The following MOK variants were observed in gnomAD, a reference collection of about 807,000 sequenced individuals.
MOK encodes the protein MAPK/MAK/MRK overlapping kinase.
In MOK, 59 loss-of-function variants were observed where a neutral mutation model predicts 54.2. That is an observed-to-expected ratio of 1.09 (90% CI 0.88 to 1.35). The LOEUF (loss-of-function observed/expected upper bound fraction) is 1.35, where lower values mean the gene tolerates loss of function less well. Ranked by LOEUF, MOK falls within the 40% of genes most tolerant of loss-of-function variation. The pLI, the probability that MOK is intolerant of heterozygous loss-of-function variation, is 0.00. For missense variants in MOK, 517 were observed against 526.2 expected (o/e 0.98, Z 0.17); for synonymous variants, 210 against 202.7 (o/e 1.04, Z -0.31).
chr14:102,237,718 G>A (rs1160996583), intron 7 of MOK, among the ~76,000 whole-genome samples: 1 of 152,142 alleles, frequency 6.6e-6, no homozygotes, highest in Non-Finnish European at 1.5e-5. Context: ...CGGTGTCTTA[G>A]GGCAACAGAA....
intron 1 of MOK, among the ~76,000 whole-genome samples, chr14:102,291,970 A>C (rs2070804836): frequency 1.3e-5 from 2 of 151,398 alleles, no homozygotes; most frequent in Admixed American, 6.6e-5. Context: ...AAAAAAAAAA[A>C]CTAACAATAA....
At chr14:102,261,827 A>C (rs1349468816) in intron 4 of MOK, among the ~76,000 whole-genome samples, 1 of 148,214 alleles carries the variant, frequency 6.7e-6, no homozygotes, top group Non-Finnish European at 1.5e-5. Flanking sequence ...ATAAGCCACC[A>C]CGCCCGGCCT....
In MOK at chr14:102,283,261, T is replaced by C; in HGVS notation, c.122+217A>G. The C allele has an allele frequency of 7.4e-6, 3 of 404,462 alleles. No homozygotes were observed. In the South Asian group the frequency reaches 2.4e-4, roughly 33 times the overall value. The allele number at this position is 404,462 out of a possible 1,614,324, so 25.1% of individuals were successfully genotyped here. On this transcript the variant is annotated intron_variant, in intron 2 of 11. Coordinates refer to ENST00000361847, the MANE Select transcript of MOK (RefSeq NM_014226.3). Reference sequence around the variant, plus strand: ...AGACACACTTTTGAAACTTAAACTTTTTTGTGGTCATTCATCACTGATATT... The same window carrying C: ...AGACACACTTTTGAAACTTAAACTTCTTTGTGGTCATTCATCACTGATATT...
At chr14:102,303,191 G>T (rs893465367) in intron 1 of MOK, among the ~76,000 whole-genome samples, 1 of 151,874 alleles carries the variant, frequency 6.6e-6, no homozygotes, top group Non-Finnish European at 1.5e-5. Flanking sequence ...GAAAAAGAAG[G>T]TAGATAAATA....
chr14:102,261,254 C>CACAAAA (rs1406320890), intron 4 of MOK, among the ~76,000 whole-genome samples: 6 of 86,854 alleles, frequency 6.9e-5, no homozygotes, highest in African/African-American at 1.0e-4. Flanking sequence ...ACTCTGCCTA[C>CACAAAA]AAAAAAAAAA....
chr14:102,233,850 T>C, intron 7 of MOK, 61 bp from the exon 8 acceptor site: 1 of 1,270,692 alleles, frequency 7.9e-7, no homozygotes, highest in African/African-American at 1.5e-5. Context: ...ACCTCACCAA[T>C]TACAAACCAT....
At chr14:102,264,462 C>T (rs1271568424) in intron 3 of MOK, 1 of 152,274 alleles carries the variant, frequency 6.6e-6, no homozygotes, top group Admixed American at 6.5e-5. Flanking sequence ...CAAGCAGGCC[C>T]TTAAAGGGTT....
chr14:102,286,912 AAATAATAATAATAATAAT>A (rs56108099), intron 1 of MOK, among the ~76,000 whole-genome samples: 1 of 145,508 alleles, frequency 6.9e-6, no homozygotes, highest in Non-Finnish European at 1.5e-5. Flanking sequence ...TCCGTCTCAA[AAATAATAATAATAATAAT>A]AATAATAATA....
At chr14:102,272,157 C>T (rs1042095099) in intron 2 of MOK, among the ~76,000 whole-genome samples, 15 of 152,266 alleles carry the variant, frequency 9.9e-5, no homozygotes, top group Non-Finnish European at 1.5e-4. Flanking sequence ...AGGTATGAGA[C>T]GCCACGCCTA....
intron 1 of MOK, among the ~76,000 whole-genome samples, chr14:102,297,927 G>A (rs1213661735): frequency 6.6e-6 from 1 of 152,224 alleles, no homozygotes; most frequent in Non-Finnish European, 1.5e-5. Context: ...CTACCCACGA[G>A]GCAGGGCTTC....
chr14:102,254,751 T>C (rs1319806204), intron 4 of MOK, among the ~76,000 whole-genome samples: 1 of 152,226 alleles, frequency 6.6e-6, no homozygotes, highest in African/African-American at 2.4e-5. Flanking sequence ...CTACTAGTCT[T>C]GGGTCCTCGC....
intron 2 of MOK, among the ~76,000 whole-genome samples, chr14:102,276,648 G>T (rs1018951261): frequency 4.0e-5 from 6 of 151,736 alleles, no homozygotes; most frequent in African/African-American, 1.5e-4. Context: ...AAAATTAGCC[G>T]GGTGTGATGG....
intron 1 of MOK, among the ~76,000 whole-genome samples, chr14:102,295,417 C>G (rs953331420): frequency 1.3e-5 from 2 of 152,136 alleles, no homozygotes; most frequent in Admixed American, 6.6e-5. Flanking sequence ...AAACTTGTCA[C>G]GTTCAAGTCC....
chr14:102,224,081 G>A (rs533876992), downstream of MOK, among the ~76,000 whole-genome samples: 1,239 of 114,660 alleles, frequency 0.011, 19 homozygotes, highest in African/African-American at 0.04. Context: ...TCCCTCTGTT[G>A]TCCAGGCTGG....
intron 7 of MOK, among the ~76,000 whole-genome samples, chr14:102,239,188 A>T (rs749972614): frequency 6.6e-6 from 1 of 152,076 alleles, no homozygotes; most frequent in Non-Finnish European, 1.5e-5. Context: ...TCCATATCCC[A>T]TATCGACCCC....
chr14:102,301,474 C>G (rs753716468), intron 1 of MOK, among the ~76,000 whole-genome samples: 3 of 152,120 alleles, frequency 2.0e-5, no homozygotes, highest in Non-Finnish European at 4.4e-5. Flanking sequence ...ACCTAGAAAA[C>G]AAGTACAAAA....
the MOK span, chr14:102,214,802 C>G: frequency 1.9e-5 from 19 of 978,912 alleles, 1 homozygote; most frequent in Non-Finnish European, 2.1e-5. Context: ...TTTACTGTTG[C>G]AATAATTAAT....
rs111529409 is a variant in MOK at position 102,291,604 on chromosome 14, C to T, written c.8-8012G>A. Among the ~76,000 whole-genome samples, 1,016 of 152,262 alleles carry T rather than the reference C, an allele frequency of 6.7e-3. 15 individuals are homozygous for T. Among genetic ancestry groups the T allele is most frequent in the African/African-American group, 0.021 (872 of 41,542 alleles). On this transcript the variant is annotated intron_variant, in intron 1 of 11. Coordinates refer to ENST00000361847, the MANE Select transcript of MOK (RefSeq NM_014226.3). Reference sequence around the variant, plus strand: ...CCCAGAAATTTCTCTACAAGAAGATCAGTGTCTTCATTGTGCAGAAGAGCT... The same window carrying T: ...CCCAGAAATTTCTCTACAAGAAGATTAGTGTCTTCATTGTGCAGAAGAGCT...
intron 4 of MOK, among the ~76,000 whole-genome samples, chr14:102,257,751 G>A (rs999260049): frequency 2.6e-5 from 4 of 152,146 alleles, no homozygotes; most frequent in Non-Finnish European, 2.9e-5. Context: ...GGCTGAGGTG[G>A]GCGGATCACG....
Sources: allele counts gnomAD v4.1 joint callset (sites outside exome capture counted in the v4.1 genomes callset), GRCh38; gene constraint gnomAD v4.1.1; transcripts MANE v1.5; gene names NCBI Gene and HGNC (gene_info 2026-07-23, HGNC 2026-07-21).